Variants in CTNNA3 observed in about 807,000 individuals in gnomAD.
CTNNA3 encodes catenin alpha 3.
In CTNNA3, 76 loss-of-function variants were observed where a neutral mutation model predicts 95.7. The ratio of observed to expected loss-of-function variants is 0.79; its 90% confidence interval spans 0.66 to 0.96. The LOEUF is 0.96. CTNNA3 is among the 40% of genes least tolerant of loss of function. CTNNA3 has a pLI of 0.00. For missense variants in CTNNA3, 1,191 were observed against 1,089.8 expected (o/e 1.09, Z -1.31); for synonymous variants, 431 against 374.4 (o/e 1.15, Z -1.74).
At chr10:67,618,028 A>C (rs1050773917) in intron 2 of CTNNA3, among the ~76,000 whole-genome samples, 2 of 152,172 alleles carry the variant, frequency 1.3e-5, no homozygotes, top group Non-Finnish European at 2.9e-5. Context: ...TATTAAATTA[A>C]GCAAACTAAA....
chr10:66,840,362 TCTCTCTCTCTCACA>T lies in CTNNA3; in HGVS notation c.1048-64852_1048-64839del, dbSNP rs1263922064. ...CTCTCTCTCTCTCTCTCTCTCTCTC[TCTCTCTCTCTCACA>T]CACACACACACACACACACACACAC... On this transcript the variant is annotated intron_variant, in intron 7 of 17. Coordinates refer to ENST00000433211, the MANE Select transcript of CTNNA3 (RefSeq NM_013266.4). 9.4e-3 allele frequency among the ~76,000 whole-genome samples: 923 copies of T among 98,264 alleles called. 4 individuals are homozygous for T. Among genetic ancestry groups the T allele is most frequent in the African/African-American group, 0.022 (348 of 15,852 alleles). The allele number at this position is 98,264 out of a possible 152,430, so 64.5% of individuals were successfully genotyped here.
At chr10:66,660,392 T>C (rs1226183651) in intron 9 of CTNNA3, among the ~76,000 whole-genome samples, 1 of 152,210 alleles carries the variant, frequency 6.6e-6, no homozygotes, top group Non-Finnish European at 1.5e-5. Flanking sequence ...TCCAACCTCT[T>C]AACTTGTGAT....
At chr10:67,176,860 A>G (rs1589825256) in intron 7 of CTNNA3, 5 of 459,626 alleles carry the variant, frequency 1.1e-5, no homozygotes, top group African/African-American at 2.0e-5. Flanking sequence ...AATGAGGGTG[A>G]CCTCTAGAAA....
chr10:66,246,607 G>A (rs972564941), intron 13 of CTNNA3, among the ~76,000 whole-genome samples: 1 of 151,920 alleles, frequency 6.6e-6, no homozygotes, highest in Non-Finnish European at 1.5e-5. Context: ...ATTTCAAGAT[G>A]ATAGAGAAGG....
At chr10:66,797,082 T>TC (rs1841228647) in intron 7 of CTNNA3, among the ~76,000 whole-genome samples, 1 of 151,926 alleles carries the variant, frequency 6.6e-6, no homozygotes, top group African/African-American at 2.4e-5. Context: ...TAAATTTGTT[T>TC]TTTTTTTCCT....
chr10:67,517,418 AG>A (rs1420581289), intron 5 of CTNNA3, among the ~76,000 whole-genome samples: 2 of 152,160 alleles, frequency 1.3e-5, no homozygotes, highest in African/African-American at 2.4e-5. Flanking sequence ...GTTTAATAAA[AG>A]TTTGTTTTAA....
intron 10 of CTNNA3, among the ~76,000 whole-genome samples, chr10:66,570,711 T>G (rs1407926847): frequency 6.6e-5 from 10 of 151,540 alleles, no homozygotes. Flanking sequence ...AATTAAAAAA[T>G]AAAGACATCC....
At chr10:67,549,816 TG>T (rs1840962234) in intron 3 of CTNNA3, among the ~76,000 whole-genome samples, 1 of 152,354 alleles carries the variant, frequency 6.6e-6, no homozygotes, top group South Asian at 2.1e-4. Flanking sequence ...CATAACTTTT[TG>T]TTTATTGCTT....
intron 9 of CTNNA3, among the ~76,000 whole-genome samples, chr10:66,680,583 C>A (rs1161587951): frequency 2.6e-5 from 4 of 152,120 alleles, no homozygotes; most frequent in Non-Finnish European, 4.4e-5. Flanking sequence ...TTTTATCTCC[C>A]AAACTAGACT....
intron 5 of CTNNA3, among the ~76,000 whole-genome samples, chr10:67,290,353 C>A (rs1839786092): frequency 6.6e-6 from 1 of 152,124 alleles, no homozygotes; most frequent in South Asian, 2.1e-4. Context: ...AGCACATATG[C>A]TTATTTGCAT....
intron 7 of CTNNA3, among the ~76,000 whole-genome samples, chr10:66,931,314 A>G (rs1360204727): frequency 6.6e-6 from 1 of 151,730 alleles, no homozygotes; most frequent in African/African-American, 2.4e-5. Context: ...GTTTTTTTCC[A>G]TTTTTATTAA....
intron 13 of CTNNA3, among the ~76,000 whole-genome samples, chr10:66,178,394 A>G (rs899509474): frequency 3.4e-5 from 4 of 119,186 alleles, no homozygotes; most frequent in African/African-American, 1.2e-4. Context: ...ACAAACCTTG[A>G]AAGTGTATAT....
At chr10:67,332,135 G>C (rs2132586046) in intron 5 of CTNNA3, among the ~76,000 whole-genome samples, 1 of 152,254 alleles carries the variant, frequency 6.6e-6, no homozygotes, top group South Asian at 2.1e-4. Flanking sequence ...ATGAGATGTA[G>C]ACAAAATATT....
At chr10:67,085,528 A>C (rs1204192496) in intron 7 of CTNNA3, among the ~76,000 whole-genome samples, 1 of 151,996 alleles carries the variant, frequency 6.6e-6, no homozygotes, top group Non-Finnish European at 1.5e-5. Context: ...GTGCTCATAA[A>C]ATTTAGAAGT....
intron 10 of CTNNA3, among the ~76,000 whole-genome samples, chr10:66,540,748 G>A (rs559383208): frequency 6.6e-6 from 1 of 151,864 alleles, no homozygotes; most frequent in Non-Finnish European, 1.5e-5. Flanking sequence ...GAGAGCCAGG[G>A]TTGGGTCTAG....
chr10:67,357,182 T>C (rs986539639), intron 5 of CTNNA3, among the ~76,000 whole-genome samples: 3 of 152,088 alleles, frequency 2.0e-5, no homozygotes, highest in Non-Finnish European at 4.4e-5. Flanking sequence ...ACATGTATCC[T>C]AACTTTTAAC....
At chr10:66,242,083 G>A (rs1375502784) in intron 13 of CTNNA3, among the ~76,000 whole-genome samples, 1 of 152,118 alleles carries the variant, frequency 6.6e-6, no homozygotes, top group Non-Finnish European at 1.5e-5. Flanking sequence ...TGATGAGTAT[G>A]CTCAGCCCCC....
At chr10:67,309,214 A>G (rs1462041560) in intron 5 of CTNNA3, among the ~76,000 whole-genome samples, 1 of 152,100 alleles carries the variant, frequency 6.6e-6, no homozygotes, top group Non-Finnish European at 1.5e-5. Context: ...ATTGTGACTC[A>G]GTTTGAAAAA....
At position 66,763,168 on chromosome 10, in the gene CTNNA3, G is replaced by C. The variant is rs573166860; in HGVS notation, c.1281+3096C>G. 2.6e-5 allele frequency among the ~76,000 whole-genome samples: 4 copies of C among 152,102 alleles called. No homozygotes were observed. In the South Asian group the frequency reaches 8.3e-4, roughly 32 times the overall value. ...ATATTTAGGCTCTCCTATTTTCCAC[G>C]AGTCTATCATAGACACTTGTGTCTC... On this transcript the variant is annotated intron_variant, in intron 9 of 17. Transcript: ENST00000433211.
Sources: allele counts gnomAD v4.1 joint callset (sites outside exome capture counted in the v4.1 genomes callset), GRCh38; gene constraint gnomAD v4.1.1; transcripts MANE v1.5; gene names NCBI Gene and HGNC (gene_info 2026-07-23, HGNC 2026-07-21).